UNC79: variants seen among roughly 807,000 people sequenced by gnomAD.
UNC79 encodes the protein protein unc-79 homolog.
UNC79 carries 37 observed loss-of-function variants against 283.1 expected under a neutral mutation model. The ratio of observed to expected loss-of-function variants is 0.13; its 90% CI spans 0.10 to 0.17. The LOEUF is 0.17. UNC79 is among the 10% of genes least tolerant of loss of function. UNC79 has a pLI of 1.00. For missense variants in UNC79, 2,272 were observed against 3,211.1 expected (o/e 0.71, Z 7.07); for synonymous variants, 1,107 against 1,200.2 (o/e 0.92, Z 1.61).
intron 1 of UNC79, among the ~76,000 whole-genome samples, chr14:93,370,158 A>C (rs1377666564): frequency 6.6e-6 from 1 of 152,202 alleles, no homozygotes; most frequent in Non-Finnish European, 1.5e-5. Flanking sequence ...GCTATCAAGA[A>C]AAACATTACA....
intron 40 of UNC79, among the ~76,000 whole-genome samples, chr14:93,670,536 G>A (rs901111425): frequency 3.3e-5 from 5 of 152,194 alleles, no homozygotes; most frequent in African/African-American, 1.2e-4. Context: ...ACATGGGAAG[G>A]GGCACAGAGC....
intron 7 of UNC79, among the ~76,000 whole-genome samples, chr14:93,513,444 C>T (rs1001341344): frequency 2.0e-5 from 3 of 152,056 alleles, no homozygotes; most frequent in African/African-American, 7.2e-5. Context: ...GTCTCAAAAT[C>T]CTGGGTTCAA....
chr14:93,550,533 A>AAGAAAAG (rs1555449178), intron 14 of UNC79, among the ~76,000 whole-genome samples: 2,230 of 122,524 alleles, frequency 0.018, 257 homozygotes, highest in Admixed American at 0.047. Flanking sequence ...AAAAAAAAAA[A>AAGAAAAG]AAAAAAAAGA....
At chr14:93,584,479 T>C (rs1011757944) in intron 20 of UNC79, among the ~76,000 whole-genome samples, 4 of 152,206 alleles carry the variant, frequency 2.6e-5, no homozygotes, top group Non-Finnish European at 4.4e-5. Flanking sequence ...ATTAACTTGT[T>C]GTAGGTGCTG....
At chr14:93,571,774 A>G (rs1477056845) in intron 14 of UNC79, 120 bp from the exon 15 acceptor site, 2 of 993,568 alleles carry the variant, frequency 2.0e-6, no homozygotes, top group Non-Finnish European at 1.4e-6. Context: ...TTCTTGGCCT[A>G]GGACTCAGAC....
chr14:93,363,901 T>G (rs532472357), intron 1 of UNC79, among the ~76,000 whole-genome samples: 7 of 152,204 alleles, frequency 4.6e-5, no homozygotes, highest in Non-Finnish European at 8.8e-5. Context: ...TTTGTATTTT[T>G]AGTAGAGACA....
intron 32 of UNC79, among the ~76,000 whole-genome samples, chr14:93,638,332 A>G (rs532392258): frequency 4.5e-4 from 69 of 152,332 alleles, no homozygotes; most frequent in Non-Finnish European, 6.8e-4. Context: ...GATTCTTCTC[A>G]TCTATGGGGC....
chr14:93,519,965 T>C (rs920306969), intron 7 of UNC79, among the ~76,000 whole-genome samples: 1 of 151,912 alleles, frequency 6.6e-6, no homozygotes, highest in Non-Finnish European at 1.5e-5. Context: ...AAGCCTTCTG[T>C]AGTTATTCAG....
rs765714280 is a variant in UNC79 at position 93,634,510 on chromosome 14, C to T, written c.5717-2706C>T. Reference sequence around the variant, plus strand: ...TATTATTATAATCATCTCCTAATTTCCTCCATCTAGCTCAGTATAGGCAGA... The same window carrying T: ...TATTATTATAATCATCTCCTAATTTTCTCCATCTAGCTCAGTATAGGCAGA... On this transcript the variant is annotated intron_variant, in intron 31 of 48. Transcript: ENST00000555664. 1.3e-6 allele frequency: 2 copies of T among 1,589,820 alleles called. No homozygotes were observed. The highest frequency in any genetic ancestry group is 1.7e-6 in the Non-Finnish European group (2 of 1,158,594).
At chr14:93,398,670 C>T (rs2140023226) in intron 1 of UNC79, among the ~76,000 whole-genome samples, 1 of 152,230 alleles carries the variant, frequency 6.6e-6, no homozygotes, top group African/African-American at 2.4e-5. Context: ...TTAAATAATG[C>T]CAAGACAGTT....
At chr14:93,339,576 G>A (rs2053658666) in intron 1 of UNC79, among the ~76,000 whole-genome samples, 1 of 152,182 alleles carries the variant, frequency 6.6e-6, no homozygotes, top group African/African-American at 2.4e-5. Flanking sequence ...TGGGATTACA[G>A]GCGTGAGCCA....
chr14:93,624,257 A>G (rs1399066050), intron 30 of UNC79, among the ~76,000 whole-genome samples: 1 of 152,210 alleles, frequency 6.6e-6, no homozygotes, highest in Non-Finnish European at 1.5e-5. Context: ...CGCTGTAAAA[A>G]TCTGTTGAAT....
chr14:93,397,447 T>C (rs1595429213), intron 1 of UNC79, among the ~76,000 whole-genome samples: 1 of 152,348 alleles, frequency 6.6e-6, no homozygotes, highest in African/African-American at 2.4e-5. Context: ...AACTTGATCC[T>C]GTCCTCTCCA....
chr14:93,375,893 A>G (rs2054548390), intron 1 of UNC79, among the ~76,000 whole-genome samples: 1 of 152,146 alleles, frequency 6.6e-6, no homozygotes, highest in African/African-American at 2.4e-5. Flanking sequence ...AAACCATATC[A>G]ATGAGTCATC....
intron 1 of UNC79, among the ~76,000 whole-genome samples, chr14:93,370,036 G>T (rs759082107): frequency 5.3e-5 from 8 of 152,174 alleles, no homozygotes; most frequent in Non-Finnish European, 7.3e-5. Flanking sequence ...CTCACTAAAA[G>T]ACTGAGGCTT....
intron 30 of UNC79, among the ~76,000 whole-genome samples, chr14:93,627,010 G>C (rs2067620719): frequency 6.6e-6 from 1 of 152,138 alleles, no homozygotes; most frequent in African/African-American, 2.4e-5. Context: ...GATTGCACTT[G>C]TGAATAGCCA....
intron 26 of UNC79, 45 bp downstream of exon 27, chr14:93,605,006 C>T: frequency 6.5e-7 from 1 of 1,536,704 alleles, no homozygotes; most frequent in Non-Finnish European, 8.7e-7. Flanking sequence ...GTGTCTATCA[C>T]AGGTGGACAA....
rs1214866520 is a variant in UNC79 at position 93,621,786 on chromosome 14, G to A, written c.4553G>A (p.Arg1518His). The A allele has an allele frequency of 8.7e-6, 14 of 1,613,570 alleles. No homozygotes were observed. Among genetic ancestry groups the A allele is most frequent in the African/African-American group, 2.7e-5 (2 of 74,850 alleles). Residue 1518 changes from arginine (R) to histidine (H), a missense_variant, in exon 30 of 49, where the codon CGT (arginine) becomes CAT (histidine). This residue lies in a region of UNC79 where 580 missense variants were observed against 632.2 expected (regional missense o/e 0.92). Coordinates refer to ENST00000555664, the Ensembl canonical transcript of UNC79. The surrounding 1 kb of genome is among the most constrained non-coding windows in gnomAD (Gnocchi z 4.8). ...CTTTTGTTTACATTAGACGAACATC[G>A]TAGGAAGTCGTGCATAGATCGGTGT...
chr14:93,426,470 A>G (rs2055728970), upstream of UNC79, among the ~76,000 whole-genome samples: 1 of 150,812 alleles, frequency 6.6e-6, no homozygotes, highest in Middle Eastern at 3.5e-3. Context: ...TAGTATTTTT[A>G]TCCTCTTCTT....
Sources: allele counts gnomAD v4.1 joint callset (sites outside exome capture counted in the v4.1 genomes callset), GRCh38; gene constraint gnomAD v4.1.1; regional missense constraint gnomAD v4.1.1; non-coding constraint Gnocchi (gnomAD v3.1); transcripts MANE v1.5; gene names NCBI Gene and HGNC (gene_info 2026-07-23, HGNC 2026-07-21).